Variants in LINGO2 observed in about 807,000 individuals in gnomAD.
LINGO2 encodes leucine rich repeat and Ig domain containing 2.
Under a neutral mutation model 30.6 loss-of-function variants are expected in LINGO2, and 14 were observed. The observed-to-expected ratio is 0.46, with a 90% confidence interval of 0.30 to 0.72. The LOEUF is 0.72. LINGO2 is among the 30% of genes least tolerant of loss of function. LINGO2 has a pLI of 0.07. For synonymous variants in LINGO2, 317 were observed against 288.5 expected (o/e 1.10, Z -1.00); for missense variants, 729 against 751.7 (o/e 0.97, Z 0.35).
Position 28,368,685 on chromosome 9 carries a change from C to T in LINGO2, c.-246+4151G>A, listed in dbSNP as rs544395261. On this transcript the variant is annotated intron_variant, in intron 3 of 5. Coordinates refer to ENST00000379992, the Ensembl canonical transcript of LINGO2. ...TATCTCGGCTCACTGCAAGCTCCCC[C>T]TCCCGAGTTCACACCATTCTCCTGC... is the stretch of plus-strand genomic sequence containing the variant. Among the ~76,000 whole-genome samples, 5 of 151,832 alleles carry T rather than the reference C, an allele frequency of 3.3e-5. No homozygotes were observed. In the East Asian group the frequency reaches 9.8e-4, roughly 30 times the overall value.
chr9:27,996,639 G>A (rs1383342688), intron 5 of LINGO2, among the ~76,000 whole-genome samples: 1 of 152,110 alleles, frequency 6.6e-6, no homozygotes, highest in Non-Finnish European at 1.5e-5. Flanking sequence ...AAAAAGGGGG[G>A]TTAGTTAATG....
At chr9:28,861,380 T>C in the LINGO2 span, among the ~76,000 whole-genome samples, 5 of 138,014 alleles carry the variant, frequency 3.6e-5, no homozygotes, top group Non-Finnish European at 7.6e-5. Context: ...CACACAAAAA[T>C]CTTGTTGGTT....
chr9:29,022,713 A>G, the LINGO2 span, among the ~76,000 whole-genome samples: 5 of 152,158 alleles, frequency 3.3e-5, no homozygotes, highest in African/African-American at 7.2e-5. Flanking sequence ...TTTTCACTAC[A>G]TTAAAGTAAT....
chr9:28,077,040 G>A (rs1338131740), intron 4 of LINGO2, among the ~76,000 whole-genome samples: 1 of 152,066 alleles, frequency 6.6e-6, no homozygotes, highest in Non-Finnish European at 1.5e-5. Context: ...ACATTTTGAC[G>A]TGACTTAATG....
chr9:28,444,681 G>A (rs1055903819), intron 2 of LINGO2, among the ~76,000 whole-genome samples: 6 of 152,190 alleles, frequency 3.9e-5, no homozygotes, highest in African/African-American at 1.4e-4. Context: ...GCCCACAGTG[G>A]AAGTTTCTTG....
chr9:28,989,263 C>T, the LINGO2 span, among the ~76,000 whole-genome samples: 167 of 152,276 alleles, frequency 1.1e-3, no homozygotes, highest in Middle Eastern at 0.014. Flanking sequence ...TCTAATTAAA[C>T]TAATTGGCTT....
the LINGO2 span, among the ~76,000 whole-genome samples, chr9:29,044,484 T>C: frequency 6.2e-4 from 94 of 152,144 alleles, no homozygotes; most frequent in African/African-American, 2.2e-3. Context: ...ATGACTCTCA[T>C]ACATTGCTAG....
At chr9:29,062,843 T>C in the LINGO2 span, among the ~76,000 whole-genome samples, 3 of 152,202 alleles carry the variant, frequency 2.0e-5, no homozygotes, top group African/African-American at 7.2e-5. Flanking sequence ...TCCTGACTTT[T>C]TGTGATAACA....
intron 4 of LINGO2, among the ~76,000 whole-genome samples, chr9:28,090,001 A>C (rs1400550567): frequency 6.6e-6 from 1 of 152,212 alleles, no homozygotes; most frequent in Non-Finnish European, 1.5e-5. Context: ...ACACCTTCCA[A>C]GACTAAACCA....
the LINGO2 span, among the ~76,000 whole-genome samples, chr9:29,189,893 TC>T: frequency 6.6e-6 from 1 of 151,226 alleles, no homozygotes; most frequent in Non-Finnish European, 1.5e-5. Context: ...GCGCCTGCAA[TC>T]GCAGGCACTC....
At chr9:28,036,636 T>C (rs7875743) in intron 4 of LINGO2, among the ~76,000 whole-genome samples, 130,621 of 152,210 alleles carry the variant, frequency 0.86, 56,256 homozygotes, top group Middle Eastern at 0.94. Flanking sequence ...GACAAGACTT[T>C]AGCCCAAAGA....
chr9:28,607,040 A>G lies in LINGO2; in HGVS notation c.-365+63160T>C, dbSNP rs540773961. On this transcript the variant is annotated intron_variant, in intron 1 of 5. Transcript: ENST00000379992. ...ATTGAAACATTCAGTAACGTCTTTA[A>G]AATATCCGAAGGAAATGTGGGAAAT... Among the ~76,000 whole-genome samples, 133 of 152,214 alleles carry G rather than the reference A, an allele frequency of 8.7e-4. 1 individual carries two copies. Among genetic ancestry groups the G allele is most frequent in the Non-Finnish European group, 1.4e-3 (98 of 67,962 alleles).
the LINGO2 span, among the ~76,000 whole-genome samples, chr9:28,717,291 G>C: frequency 1.4e-5 from 2 of 146,086 alleles, no homozygotes; most frequent in Admixed American, 1.4e-4. Flanking sequence ...CTAGGGGAAA[G>C]TTACAAGATT....
chr9:28,718,178 GA>G, the LINGO2 span, among the ~76,000 whole-genome samples: 962 of 141,892 alleles, frequency 6.8e-3, 3 homozygotes, highest in Non-Finnish European at 0.011. Flanking sequence ...AAGTATAAAG[GA>G]AAAAAAAAAA....
intron 4 of LINGO2, among the ~76,000 whole-genome samples, chr9:28,231,290 T>C (rs544780928): frequency 6.6e-6 from 1 of 152,044 alleles, no homozygotes; most frequent in South Asian, 2.1e-4. Flanking sequence ...TCATTAGAAA[T>C]AAAAGAGAAG....
chr9:28,501,933 T>A (rs1337507088), intron 1 of LINGO2, among the ~76,000 whole-genome samples: 5 of 151,772 alleles, frequency 3.3e-5, no homozygotes, highest in Non-Finnish European at 7.4e-5. Flanking sequence ...AAGTGAGGCA[T>A]TTGTTTTGCA....
At chr9:28,175,431 G>A (rs111336685) in intron 4 of LINGO2, among the ~76,000 whole-genome samples, 80 of 152,174 alleles carry the variant, frequency 5.3e-4, no homozygotes, top group African/African-American at 1.8e-3. Flanking sequence ...GCAGACAGTG[G>A]CATGAAACCA....
At chr9:28,504,435 A>T (rs3924624) in intron 1 of LINGO2, among the ~76,000 whole-genome samples, 11,966 of 151,896 alleles carry the variant, frequency 0.079, 633 homozygotes, top group Middle Eastern at 0.2. Flanking sequence ...ATTTCAAAAA[A>T]TGTGTAGAAG....
the LINGO2 span, among the ~76,000 whole-genome samples, chr9:28,981,161 A>G: frequency 6.6e-6 from 1 of 152,106 alleles, no homozygotes; most frequent in African/African-American, 2.4e-5. Flanking sequence ...ACAAGTGCAT[A>G]GTGCTTTCAT....
Sources: gnomAD v4.1 joint callset for allele counts (sites outside exome capture counted in the v4.1 genomes callset) on GRCh38, gnomAD v4.1.1 for gene constraint, MANE v1.5 for transcripts, NCBI Gene and HGNC (gene_info 2026-07-23, HGNC 2026-07-21) for gene names.